Variants in DENND4A observed in about 807,000 individuals in gnomAD.
DENND4A encodes the protein DENN domain containing 4A.
In DENND4A, 70 loss-of-function variants were observed where a neutral mutation model predicts 199.3. The ratio of observed to expected loss-of-function variants is 0.35; its 90% confidence interval spans 0.29 to 0.43. The LOEUF is 0.43. Among genes scored for constraint, DENND4A ranks in the 20% least tolerant of loss-of-function variants. The probability of loss-of-function intolerance (pLI) is 1.00; values close to 1 mark genes in which losing one functional copy is unlikely to be tolerated. For missense variants in DENND4A, 1,723 were observed against 2,255.8 expected (o/e 0.76, Z 4.78); for synonymous variants, 686 against 766.9 (o/e 0.89, Z 1.74).
rs114350755 is a variant in DENND4A, at chr15:65,755,140, C to T, written c.311+1000G>A. Among the ~76,000 whole-genome samples the T allele has an allele frequency of 3.8e-3, 585 of 152,044 alleles. 5 individuals are homozygous for T. The highest frequency in any genetic ancestry group is 0.014 in the African/African-American group (572 of 41,474). On this transcript the variant is annotated intron_variant, in intron 3 of 32. Transcript: ENST00000443035. ...GAAAACATTATGCTAAGAAGTCAGT[C>T]AAAAAAGATCATATACATAGTATGA...
rs1404910533 is a variant in DENND4A, at chr15:65,670,257, A to C, written c.4465-69T>G. On this transcript the variant is annotated intron_variant, in intron 25 of 32. Coordinates refer to ENST00000443035, the MANE Select transcript of DENND4A (RefSeq NM_001320835.1). ...AGATTATGAATTAAAAACCATTTCA[A>C]TTCATAAATTCATTGGATAATTAAA... The C allele has an allele frequency of 4.0e-6, 5 of 1,257,590 alleles. No homozygotes were observed. In the East Asian group the frequency reaches 1.3e-4, roughly 33 times the overall value. The allele number at this position is 1,257,590 out of a possible 1,614,324, so 77.9% of individuals were successfully genotyped here. A position where few individuals can be genotyped will look rare whatever the true frequency, so the allele number is the denominator to read the frequency against.
intron 5 of DENND4A, among the ~76,000 whole-genome samples, chr15:65,740,191 G>A (rs1184133463): frequency 6.6e-6 from 1 of 150,814 alleles, no homozygotes; most frequent in African/African-American, 2.4e-5. Context: ...CAAAATAGAG[G>A]AACGGATTCT....
intron 23 of DENND4A, among the ~76,000 whole-genome samples, chr15:65,683,859 A>C (rs775892578): frequency 2.0e-5 from 3 of 152,204 alleles, no homozygotes; most frequent in Non-Finnish European, 4.4e-5. Context: ...CCCCAGTAAG[A>C]TACCTCATGC....
chr15:65,707,689 A>G (rs1323246796), intron 14 of DENND4A, among the ~76,000 whole-genome samples: 1 of 144,632 alleles, frequency 6.9e-6, no homozygotes, highest in Admixed American at 6.9e-5. Context: ...ACATATTATG[A>G]TTTTTTTTTT....
intron 11 of DENND4A, among the ~76,000 whole-genome samples, chr15:65,725,828 AT>A (rs375425382): frequency 2.6e-5 from 4 of 152,344 alleles, no homozygotes; most frequent in South Asian, 4.1e-4. Flanking sequence ...ATATTTAAAA[AT>A]AGTCTGTATC....
chr15:65,697,186 C>A (rs1001090480), intron 21 of DENND4A, 81 bp downstream of exon 21: 3 of 883,042 alleles, frequency 3.4e-6, no homozygotes, highest in African/African-American at 3.5e-5. Context: ...AAAGTAAAAC[C>A]AGCACTTTTA....
In DENND4A at chr15:65,690,456, T is replaced by C. The variant is rs1232562335; in HGVS notation, c.4138A>G (p.Lys1380Glu). Residue 1380 changes from lysine (K) to glutamate (E), a missense_variant, in exon 23 of 33, where the codon AAA (lysine) becomes GAA (glutamate). This residue lies in a region of DENND4A where 650 missense variants were observed against 738.1 expected (regional missense o/e 0.88). Coordinates refer to ENST00000443035, the MANE Select transcript of DENND4A (RefSeq NM_001320835.1). Reference protein sequence around the residue: ...AGKGVAEKASKWYSRFTMYTT... With the variant: ...AGKGVAEKASEWYSRFTMYTT... ...TACATGGTGAATCTTGAATACCATT[T>C]GCTTGCTTTCTCTGCAACTCCTTTT... 3.7e-6 allele frequency: 6 copies of C among 1,604,378 alleles called. No individual in the cohort carries two copies. The highest frequency in any genetic ancestry group is 5.1e-6 in the Non-Finnish European group (6 of 1,175,166).
In DENND4A at chr15:65,699,368, G is replaced by A. The variant is rs140195154; in HGVS notation, c.2833+1176C>T. ...TAGTCAAAAGTCATGTGTAATTTTT[G>A]AAATGTAATAATAAAAAGAACAGAA... is the stretch of plus-strand genomic sequence containing the variant. On this transcript the variant is annotated intron_variant, in intron 20 of 32. Coordinates refer to ENST00000443035, the MANE Select transcript of DENND4A (RefSeq NM_001320835.1). Among the ~76,000 whole-genome samples the A allele has an allele frequency of 1.4e-3, 216 of 151,936 alleles. 3 individuals are homozygous for A. In the East Asian group the frequency reaches 0.037, roughly 26 times the overall value.
intron 3 of DENND4A, among the ~76,000 whole-genome samples, chr15:65,753,278 C>A (rs910575436): frequency 2.0e-5 from 3 of 152,038 alleles, no homozygotes; most frequent in Admixed American, 2.0e-4. Flanking sequence ...TTAGTTTATT[C>A]CCTCATTAAA....
Position 65,722,841 on chromosome 15 carries a change from C to A in DENND4A, c.1588+7G>T, listed in dbSNP as rs1276052555. The A allele has an allele frequency of 6.3e-7, 1 of 1,579,010 alleles. No homozygotes were observed. Among genetic ancestry groups the A allele is most frequent in the Non-Finnish European group, 8.6e-7 (1 of 1,163,078 alleles). ...AATTACCTCCTTTAATTAAGTTATC[C>A]ACTTACATTTTGCCAATTGCTGATG... On this transcript the variant is annotated splice_region_variant and intron_variant, in intron 12 of 32. Transcript: ENST00000443035.
intron 11 of DENND4A, among the ~76,000 whole-genome samples, chr15:65,725,405 G>A (rs762476472): frequency 5.9e-5 from 9 of 152,230 alleles, no homozygotes; most frequent in South Asian, 4.1e-4. Context: ...GGCTGGGCGC[G>A]GTGGCTCACG....
intron 5 of DENND4A, among the ~76,000 whole-genome samples, chr15:65,739,488 C>T (rs1346124972): frequency 6.6e-6 from 1 of 152,106 alleles, no homozygotes; most frequent in African/African-American, 2.4e-5. Context: ...GAAAACGGTC[C>T]AGGCATCTTC....
At position 65,676,465 on chromosome 15, in the gene DENND4A, T is replaced by C. The variant is rs2076386924; in HGVS notation, c.4349A>G (p.Glu1450Gly). ...KRIDLSRISL[E>G]SSASLEGSLS... ...CAAACCTTCCAAGGATGCAGAACTT[T>C]CCAGGCTTATTCGGCTGAGATCAAT... Residue 1450 changes from glutamate to glycine, a missense_variant, in exon 24 of 33, where the codon GAA becomes GGA. By Grantham distance (98) the Glu-to-Gly change is moderately conservative (BLOSUM62 -2). Around this residue, in one of 6 missense-constraint regions of DENND4A, gnomAD observed 650 missense variants for 738.1 expected, o/e 0.88. Transcript: ENST00000443035. The C allele has an allele frequency of 6.2e-7, 1 of 1,609,068 alleles. No homozygotes were observed.
chr15:65,771,871 G>C, intron 1 of DENND4A: 1 of 1,611,804 alleles, frequency 6.2e-7, no homozygotes, highest in Non-Finnish European at 8.5e-7. Context: ...CTTTTTAAAA[G>C]CATCTGTTGC....
chr15:65,755,204 A>G (rs1217255090), intron 3 of DENND4A, among the ~76,000 whole-genome samples: 1 of 152,262 alleles, frequency 6.6e-6, no homozygotes, highest in Non-Finnish European at 1.5e-5. Flanking sequence ...GCAAATCCAT[A>G]AAGACAGAAA....
intron 1 of DENND4A, among the ~76,000 whole-genome samples, chr15:65,761,685 A>C (rs530321357): frequency 6.1e-4 from 87 of 143,798 alleles, no homozygotes; most frequent in African/African-American, 2.0e-3. Flanking sequence ...AAAAACTAGC[A>C]GATAAGGGGG....
chr15:65,734,570 T>C (rs1207888234), intron 7 of DENND4A, among the ~76,000 whole-genome samples: 4 of 152,146 alleles, frequency 2.6e-5, no homozygotes, highest in African/African-American at 4.8e-5. Context: ...AAGTCTCTTG[T>C]TCCACCTAAC....
rs922819593 is a variant in DENND4A at position 65,731,764 on chromosome 15, G to A, written c.1108-64C>T. On this transcript the variant is annotated intron_variant, in intron 8 of 32. Coordinates refer to ENST00000443035, the MANE Select transcript of DENND4A (RefSeq NM_001320835.1). ...GATGAACTTTAAAACACCACTTTCT[G>A]TTAAAAATATATAAAATAATGATTA... The A allele has an allele frequency of 9.8e-6, 11 of 1,119,730 alleles. 1 individual carries two copies. The Admixed American group carries it at 2.7e-4, about 28-fold the overall frequency. 69.4% of individuals were successfully genotyped at this position (1,119,730 alleles called of 1,614,324 possible).
At chr15:65,754,203 C>T (rs1175618898) in intron 3 of DENND4A, among the ~76,000 whole-genome samples, 1 of 152,114 alleles carries the variant, frequency 6.6e-6, no homozygotes, top group Non-Finnish European at 1.5e-5. Flanking sequence ...AAAAAATCTT[C>T]TCAATATTTT....
Sources: allele counts gnomAD v4.1 joint callset (sites outside exome capture counted in the v4.1 genomes callset), GRCh38; gene constraint gnomAD v4.1.1; regional missense constraint gnomAD v4.1.1; transcripts MANE v1.5; gene names NCBI Gene and HGNC (gene_info 2026-07-23, HGNC 2026-07-21).